Variants in GRB14 observed in about 807,000 individuals in gnomAD.
GRB14 encodes growth factor receptor bound protein 14.
Under a neutral mutation model 69.1 loss-of-function variants are expected in GRB14, and 38 were observed. The observed-to-expected ratio is 0.55, with a 90% CI of 0.42 to 0.72. The LOEUF is 0.72. Ranked by LOEUF, GRB14 falls within the 30% of genes least tolerant of loss-of-function variation. GRB14 has a pLI of 0.00. For synonymous variants in GRB14, 247 were observed against 241.3 expected, an observed-to-expected ratio of 1.02 and a Z score of -0.22; for missense variants, 666 against 666.1, an observed-to-expected ratio of 1.00 and a Z score of 0.00.
chr2:164,518,377 G>A (rs2105278652), intron 6 of GRB14, among the ~76,000 whole-genome samples: 1 of 152,248 alleles, frequency 6.6e-6, no homozygotes, highest in East Asian at 1.9e-4. Flanking sequence ...GTAGTGCTAA[G>A]AGGAAAGTTC....
At chr2:164,499,051 T>A (rs1328695249) in intron 9 of GRB14, among the ~76,000 whole-genome samples, 2 of 152,158 alleles carry the variant, frequency 1.3e-5, no homozygotes, top group African/African-American at 4.8e-5. Context: ...GATATACTTG[T>A]GCTTTGCTGA....
chr2:164,521,999 G>A lies in GRB14; in HGVS notation c.797C>T (p.Ser266Phe). ...FFLRRSGLYFSTKGTSKEPRH... is the reference protein window; with the variant it reads ...FFLRRSGLYFFTKGTSKEPRH... ...ATTTACCTTTGATGTTCCTTTAGTA[G>A]AAAAATATAAACCAGATCTTCTTAG... is the stretch of plus-strand genomic sequence containing the variant. Residue 266 changes from serine to phenylalanine, a missense_variant, in exon 6 of 14, where the codon TCT (serine) becomes TTT (phenylalanine). Coordinates refer to ENST00000263915, the MANE Select transcript of GRB14 (RefSeq NM_004490.3). 1.2e-6 allele frequency: 2 copies of A among 1,601,636 alleles called. No homozygotes were observed. Among genetic ancestry groups the A allele is most frequent in the Non-Finnish European group, 1.7e-6 (2 of 1,172,058 alleles).
intron 9 of GRB14, among the ~76,000 whole-genome samples, chr2:164,499,852 A>T (rs1353129592): frequency 6.6e-6 from 1 of 152,148 alleles, no homozygotes; most frequent in Admixed American, 6.6e-5. Context: ...CAATTTCTTC[A>T]GATATTTTTC....
chr2:164,523,750 T>A (rs1326735345), intron 5 of GRB14, among the ~76,000 whole-genome samples: 1 of 152,054 alleles, frequency 6.6e-6, no homozygotes, highest in Non-Finnish European at 1.5e-5. Flanking sequence ...AAACATTGCC[T>A]CAGTGGAGAG....
chr2:164,615,622 C>T (rs897257384), intron 2 of GRB14, among the ~76,000 whole-genome samples: 2 of 152,280 alleles, frequency 1.3e-5, no homozygotes, highest in African/African-American at 2.4e-5. Context: ...ACTCAATTTA[C>T]GTATCACTAA....
At chr2:164,590,865 A>G (rs796079602) in intron 2 of GRB14, among the ~76,000 whole-genome samples, 44 of 152,324 alleles carry the variant, frequency 2.9e-4, no homozygotes, top group African/African-American at 8.7e-4. Context: ...TGGTCCCGCT[A>G]TTCTAAATCA....
chr2:164,577,957 G>A (rs572453261), intron 2 of GRB14, among the ~76,000 whole-genome samples: 10 of 152,272 alleles, frequency 6.6e-5, no homozygotes, highest in Admixed American at 6.5e-4. Flanking sequence ...TTTAATGGCC[G>A]GGCGTGGTGG....
intron 2 of GRB14, among the ~76,000 whole-genome samples, chr2:164,563,887 G>T (rs138283646): frequency 6.6e-6 from 1 of 152,046 alleles, no homozygotes; most frequent in African/African-American, 2.4e-5. Context: ...GGTGGTCCAA[G>T]ATATACAAAA....
rs79190414 is a variant in GRB14, at chr2:164,602,012, G to A, written c.324+17675C>T. Among the ~76,000 whole-genome samples, 197 of 152,142 alleles carry A rather than the reference G, an allele frequency of 1.3e-3. 1 individual carries two copies. The East Asian group carries it at 0.02, about 16-fold the overall frequency. On this transcript the variant is annotated intron_variant, in intron 2 of 13. Coordinates refer to ENST00000263915, the MANE Select transcript of GRB14 (RefSeq NM_004490.3). ...CAGGCACACTGGTTATACCATGTAAGAGTAATGTATCAGAGACGCCCACCT... is the reference window on the plus strand; with the variant it reads ...CAGGCACACTGGTTATACCATGTAAAAGTAATGTATCAGAGACGCCCACCT...
chr2:164,614,429 T>G (rs1439594304), intron 2 of GRB14, among the ~76,000 whole-genome samples: 1 of 152,208 alleles, frequency 6.6e-6, no homozygotes, highest in Admixed American at 6.5e-5. Context: ...AATTTGAGAA[T>G]TTCATGAGCC....
chr2:164,615,561 C>T (rs1238300299), intron 2 of GRB14, among the ~76,000 whole-genome samples: 2 of 152,108 alleles, frequency 1.3e-5, no homozygotes, highest in Non-Finnish European at 2.9e-5. Context: ...CTGTCAAAGC[C>T]TCAAGAAATC....
At chr2:164,516,222 G>A (rs182390219) in intron 6 of GRB14, among the ~76,000 whole-genome samples, 10 of 152,096 alleles carry the variant, frequency 6.6e-5, no homozygotes, top group Non-Finnish European at 1.5e-5. Context: ...AGAACACCTG[G>A]GAAATTAATC....
At chr2:164,547,916 G>T (rs1688427039) in intron 2 of GRB14, 100 bp from the exon 3 acceptor site, 1 of 673,480 alleles carries the variant, frequency 1.5e-6, no homozygotes. Flanking sequence ...GATATTATGA[G>T]ATATATATAA....
chr2:164,522,779 T>C (rs1687667100), intron 5 of GRB14, among the ~76,000 whole-genome samples: 1 of 152,104 alleles, frequency 6.6e-6, no homozygotes, highest in Admixed American at 6.6e-5. Context: ...CATGCTCTTC[T>C]GTAATGTCAT....
intron 2 of GRB14, among the ~76,000 whole-genome samples, chr2:164,560,451 C>G (rs1030041882): frequency 6.6e-6 from 1 of 152,018 alleles, no homozygotes; most frequent in African/African-American, 2.4e-5. Flanking sequence ...AAAACTGCAA[C>G]CTTGTTAAAA....
chr2:164,613,446 G>GACTA (rs1004471451), intron 2 of GRB14, among the ~76,000 whole-genome samples: 1 of 151,986 alleles, frequency 6.6e-6, no homozygotes, highest in Non-Finnish European at 1.5e-5. Flanking sequence ...GGACACACTG[G>GACTA]ACTAACATAC....
chr2:164,581,268 T>A (rs1689397485), intron 2 of GRB14, among the ~76,000 whole-genome samples: 1 of 152,068 alleles, frequency 6.6e-6, no homozygotes, highest in Non-Finnish European at 1.5e-5. Flanking sequence ...CTGGAAGCTG[T>A]GAATATGTAA....
chr2:164,557,181 C>G (rs993464787), intron 2 of GRB14, among the ~76,000 whole-genome samples: 1 of 152,088 alleles, frequency 6.6e-6, no homozygotes, highest in East Asian at 1.9e-4. Flanking sequence ...AAGGAGTGAA[C>G]AATACTCAGG....
At chr2:164,516,379 T>C (rs960025565) in intron 6 of GRB14, among the ~76,000 whole-genome samples, 1 of 151,818 alleles carries the variant, frequency 6.6e-6, no homozygotes, top group African/African-American at 2.4e-5. Context: ...TCCCAGCTAC[T>C]TGAGAGGCTA....
Sources: allele counts gnomAD v4.1 joint callset (sites outside exome capture counted in the v4.1 genomes callset), GRCh38; gene constraint gnomAD v4.1.1; transcripts MANE v1.5; gene names NCBI Gene and HGNC (gene_info 2026-07-23, HGNC 2026-07-21).